Variants in USP50 observed in about 807,000 individuals in gnomAD.
USP50 encodes the protein ubiquitin specific peptidase 50.
A neutral mutation model predicts 39.2 loss-of-function variants in USP50; 37 were observed. The ratio of observed to expected loss-of-function variants is 0.94; its 90% CI spans 0.73 to 1.24. The LOEUF (loss-of-function observed/expected upper bound fraction) is 1.24. Ranked by LOEUF, USP50 falls within the 50% of genes most tolerant of loss-of-function variation. The pLI, the probability that USP50 is intolerant of heterozygous loss-of-function variation, is 0.00. For synonymous variants in USP50, 139 were observed against 144.5 expected (o/e 0.96, Z 0.27); for missense variants, 374 against 398.2 (o/e 0.94, Z 0.52).
At chr15:50,542,481 ATTTTTTTT>A (rs11292495) in intron 3 of USP50, among the ~76,000 whole-genome samples, 12 of 97,390 alleles carry the variant, frequency 1.2e-4, no homozygotes, top group South Asian at 3.5e-4. Context: ...TTTCCTTTTC[ATTTTTTTT>A]TTTTTTTTTT....
At chr15:50,529,752 T>C (rs926667342) in intron 6 of USP50, 45 bp downstream of exon 6, 4 of 1,586,036 alleles carry the variant, frequency 2.5e-6, no homozygotes, top group African/African-American at 1.4e-5. Flanking sequence ...AATTCTGGAG[T>C]TTTCTTTAAA....
Position 50,544,317 on chromosome 15 carries a change from G to A in USP50, c.248+270C>T, listed in dbSNP as rs895348749. Reference sequence around the variant, plus strand: ...ACAGAGGTTGCAGGGAGCCAAGATCGCACCACTGCACTCCAGCCTGGGCAA... The same window carrying A: ...ACAGAGGTTGCAGGGAGCCAAGATCACACCACTGCACTCCAGCCTGGGCAA... On this transcript the variant is annotated intron_variant, in intron 2 of 6. Transcript: ENST00000532404. Among the ~76,000 whole-genome samples the A allele has an allele frequency of 5.3e-5, 8 of 151,580 alleles. No homozygotes were observed. In the East Asian group the frequency reaches 9.7e-4, roughly 18 times the overall value.
At chr15:50,540,802 T>G (rs570344514) in intron 4 of USP50, among the ~76,000 whole-genome samples, 11 of 152,214 alleles carry the variant, frequency 7.2e-5, no homozygotes, top group African/African-American at 2.4e-4. Context: ...TTTTGTATTT[T>G]TAGTAGAGAC....
At chr15:50,543,855 C>A in intron 2 of USP50, 62 bp from the exon 3 acceptor site, 1 of 1,494,516 alleles carries the variant, frequency 6.7e-7, no homozygotes, top group Non-Finnish European at 9.2e-7. Flanking sequence ...CCTAATCACC[C>A]AAGCCTAGGA....
chr15:50,527,362 G>T (rs183782917), intron 6 of USP50, among the ~76,000 whole-genome samples: 5 of 150,774 alleles, frequency 3.3e-5, no homozygotes, highest in African/African-American at 1.2e-4. Flanking sequence ...ATGCCACCAC[G>T]CCTGGCTAAT....
At chr15:50,545,265 A>G (rs1361781163) in intron 1 of USP50, among the ~76,000 whole-genome samples, 1 of 152,084 alleles carries the variant, frequency 6.6e-6, no homozygotes, top group Non-Finnish European at 1.5e-5. Context: ...GCTATCAGGT[A>G]GTGAGCCTGG....
At chr15:50,516,981 T>C (rs560962625) in intron 6 of USP50, among the ~76,000 whole-genome samples, 1 of 152,276 alleles carries the variant, frequency 6.6e-6, no homozygotes, top group East Asian at 1.9e-4. Context: ...GAGACTTCAA[T>C]ACCCCACTTG....
At chr15:50,531,470 A>G (rs2052940138) in intron 5 of USP50, among the ~76,000 whole-genome samples, 3 of 152,208 alleles carry the variant, frequency 2.0e-5, no homozygotes, top group Admixed American at 2.0e-4. Context: ...ACAGTATGAC[A>G]TAGCACGTTC....
downstream of USP50, chr15:50,498,808 AAG>A: frequency 6.4e-7 from 1 of 1,550,642 alleles, no homozygotes; most frequent in Non-Finnish European, 8.7e-7. Flanking sequence ...TACCTCATGG[AAG>A]AGTAAGAACA....
At chr15:50,521,705 G>A (rs1036322726) in intron 6 of USP50, among the ~76,000 whole-genome samples, 14 of 152,344 alleles carry the variant, frequency 9.2e-5, no homozygotes, top group Middle Eastern at 6.8e-3. Context: ...GCTCATGCCT[G>A]TAATCCCAGC....
At chr15:50,517,394 C>A (rs1411266851) in intron 6 of USP50, among the ~76,000 whole-genome samples, 2 of 151,752 alleles carry the variant, frequency 1.3e-5, no homozygotes, top group African/African-American at 4.8e-5. Flanking sequence ...ATCACTTGAA[C>A]CTGGGAGGCA....
chr15:50,495,608 A>C (rs537623319), downstream of USP50, among the ~76,000 whole-genome samples: 2 of 151,894 alleles, frequency 1.3e-5, no homozygotes, highest in African/African-American at 2.4e-5. Context: ...GGCCCTTTTC[A>C]GCTTTTTAAA....
intron 6 of USP50, among the ~76,000 whole-genome samples, chr15:50,525,664 G>GTA (rs1555395222): frequency 0.011 from 487 of 44,776 alleles, 21 homozygotes; most frequent in African/African-American, 0.03. Context: ...ATGTATATAT[G>GTA]TATATGTATA....
chr15:50,538,974 C>A, intron 4 of USP50, 123 bp from the exon 5 acceptor site: 1 of 1,075,482 alleles, frequency 9.3e-7, no homozygotes, highest in Non-Finnish European at 1.3e-6. Flanking sequence ...TCAAAGTCAA[C>A]AAATCCAGAA....
intron 2 of USP50, 26 bp downstream of exon 2, chr15:50,544,561 G>A: frequency 6.3e-7 from 1 of 1,597,000 alleles, no homozygotes; most frequent in Non-Finnish European, 8.5e-7. Flanking sequence ...TGGGGGCTGG[G>A]CTGCAGGGAA....
chr15:50,525,662 ATG>A (rs2052889239), intron 6 of USP50, among the ~76,000 whole-genome samples: 2 of 31,206 alleles, frequency 6.4e-5, no homozygotes, highest in Admixed American at 4.4e-4. Flanking sequence ...ATATGTATAT[ATG>A]TATATGTATA....
downstream of USP50, among the ~76,000 whole-genome samples, chr15:50,495,671 T>G (rs17598061): frequency 0.14 from 20,920 of 151,918 alleles, 1,969 homozygotes; most frequent in Middle Eastern, 0.27. Flanking sequence ...AGTGAGTGAG[T>G]TTTTTTTGGT....
At chr15:50,539,376 C>A (rs946255285) in intron 4 of USP50, among the ~76,000 whole-genome samples, 1 of 141,534 alleles carries the variant, frequency 7.1e-6, no homozygotes, top group Admixed American at 7.1e-5. Flanking sequence ...TATACATCAG[C>A]ATTTTAACTT....
downstream of USP50, chr15:50,498,264 C>A: frequency 5.3e-6 from 1 of 187,542 alleles, no homozygotes. Context: ...GTCATTCTTT[C>A]TTTTGTGGTG....
Sources: gnomAD v4.1 joint callset for allele counts (sites outside exome capture counted in the v4.1 genomes callset) on GRCh38, gnomAD v4.1.1 for gene constraint, MANE v1.5 for transcripts, NCBI Gene and HGNC (gene_info 2026-07-23, HGNC 2026-07-21) for gene names.